Variants in SCARA5 observed in about 807,000 individuals in gnomAD.
SCARA5 encodes the protein scavenger receptor class A, member 5 (putative).
A neutral mutation model predicts 46.3 loss-of-function variants in SCARA5; 45 were observed. The observed-to-expected ratio is 0.97, with a 90% CI of 0.76 to 1.24. The LOEUF (loss-of-function observed/expected upper bound fraction) is 1.24, where lower values mean the gene tolerates loss of function less well. Among genes scored for constraint, SCARA5 ranks in the 50% most tolerant of loss-of-function variants. The pLI, the probability that SCARA5 is intolerant of heterozygous loss-of-function variation, is 0.00. For missense variants in SCARA5, 680 were observed against 689.0 expected (o/e 0.99, Z 0.15); for synonymous variants, 333 against 306.5 (o/e 1.09, Z -0.90).
chr8:27,883,929 C>T (rs1340795115), intron 7 of SCARA5, among the ~76,000 whole-genome samples: 2 of 151,458 alleles, frequency 1.3e-5, no homozygotes, highest in African/African-American at 4.9e-5. Flanking sequence ...GAAGGAGCCT[C>T]CTTTTAATGA....
At chr8:27,895,311 G>A (rs1195363273) in intron 7 of SCARA5, among the ~76,000 whole-genome samples, 1 of 152,160 alleles carries the variant, frequency 6.6e-6, no homozygotes, top group African/African-American at 2.4e-5. Flanking sequence ...TGAGGCACAG[G>A]GGCTCTGCTG....
At chr8:27,907,955 C>T (rs1485831874) in intron 5 of SCARA5, among the ~76,000 whole-genome samples, 1 of 152,166 alleles carries the variant, frequency 6.6e-6, no homozygotes, top group Non-Finnish European at 1.5e-5. Context: ...ATTTAATCAT[C>T]ACAAGACATT....
intron 3 of SCARA5, among the ~76,000 whole-genome samples, chr8:27,939,072 A>G (rs1038037954): frequency 2.6e-5 from 4 of 152,194 alleles, no homozygotes; most frequent in African/African-American, 9.7e-5. Context: ...TATACCATAC[A>G]CAGAATATCT....
intron 7 of SCARA5, among the ~76,000 whole-genome samples, chr8:27,897,297 C>T (rs917272186): frequency 6.6e-6 from 1 of 152,158 alleles, no homozygotes; most frequent in Non-Finnish European, 1.5e-5. Flanking sequence ...ATCCGCAGAG[C>T]CCACAGCTGC....
chr8:27,943,991 C>T (rs890710964), intron 3 of SCARA5, among the ~76,000 whole-genome samples: 1 of 152,204 alleles, frequency 6.6e-6, no homozygotes, highest in African/African-American at 2.4e-5. Flanking sequence ...ACACAATCCA[C>T]CTCCTCAAAT....
intron 2 of SCARA5, among the ~76,000 whole-genome samples, chr8:27,974,549 T>C (rs1177159056): frequency 6.6e-6 from 1 of 152,048 alleles, no homozygotes; most frequent in African/African-American, 2.4e-5. Flanking sequence ...GTCCCACAGC[T>C]CATAAACAGC....
At chr8:27,952,185 G>A (rs372859225) in intron 3 of SCARA5, among the ~76,000 whole-genome samples, 2 of 152,144 alleles carry the variant, frequency 1.3e-5, no homozygotes, top group South Asian at 4.1e-4. Context: ...AAACAAAGGG[G>A]TGGCTGGCAC....
rs143912757 is a variant in SCARA5, at chr8:27,982,995, G to A, written c.112+4509C>T. On this transcript the variant is annotated intron_variant, in intron 2 of 8. Coordinates refer to ENST00000354914, the MANE Select transcript of SCARA5 (RefSeq NM_173833.6). The stretch of plus-strand genomic sequence containing the variant: ...GCTAGAGGAGGGTCCCTTCCTCTGC[G>A]CTGAGGAAGCTCCCTGGGCATCGAG... Among the ~76,000 whole-genome samples the A allele has an allele frequency of 4.3e-3, 660 of 152,240 alleles. 4 individuals are homozygous for A. Among genetic ancestry groups the A allele is most frequent in the African/African-American group, 8.8e-3 (364 of 41,550 alleles).
chr8:27,932,697 C>T (rs1040978736), intron 3 of SCARA5, among the ~76,000 whole-genome samples: 4 of 152,330 alleles, frequency 2.6e-5, no homozygotes, highest in East Asian at 1.9e-4. Context: ...GGCGCAATCT[C>T]GGCTCACTGC....
chr8:27,946,960 C>T, intron 3 of SCARA5, among the ~76,000 whole-genome samples: 1 of 150,532 alleles, frequency 6.6e-6, no homozygotes, highest in South Asian at 2.1e-4. Flanking sequence ...CCTTCAGTTT[C>T]TTCTGTCTCT....
intron 7 of SCARA5, among the ~76,000 whole-genome samples, chr8:27,881,859 C>A (rs920964809): frequency 6.6e-6 from 1 of 152,184 alleles, no homozygotes; most frequent in Non-Finnish European, 1.5e-5. Flanking sequence ...AATGAACCTA[C>A]ACTGATGCCT....
At chr8:27,972,717 TA>T (rs1407786606) in intron 2 of SCARA5, among the ~76,000 whole-genome samples, 1 of 152,008 alleles carries the variant, frequency 6.6e-6, no homozygotes, top group Non-Finnish European at 1.5e-5. Context: ...TTTTTTTAAT[TA>T]GCCTAGGATG....
intron 5 of SCARA5, 61 bp downstream of exon 5, chr8:27,909,602 G>A: frequency 1.7e-6 from 2 of 1,196,662 alleles, no homozygotes; most frequent in Non-Finnish European, 2.4e-6. Context: ...CATCAAGAAA[G>A]TAGCGGGTAG....
chr8:27,977,622 C>T (rs1011834985), intron 2 of SCARA5, among the ~76,000 whole-genome samples: 2 of 152,226 alleles, frequency 1.3e-5, no homozygotes, highest in East Asian at 3.8e-4. Context: ...CTAGAACTTT[C>T]CCTCTCCTTC....
intron 1 of SCARA5, 24 bp downstream of exon 1, chr8:27,992,233 G>A (rs1808800000): frequency 2.0e-5 from 3 of 152,318 alleles, no homozygotes; most frequent in Non-Finnish European, 2.9e-5. Context: ...CAGGAGATAG[G>A]ACAAAATTAG....
intron 2 of SCARA5, among the ~76,000 whole-genome samples, chr8:27,978,049 C>T (rs1585524734): frequency 3.4e-5 from 4 of 116,134 alleles, no homozygotes; most frequent in Non-Finnish European, 5.0e-5. Context: ...TTTTTTGAGA[C>T]GGAGTCTTGC....
At chr8:27,948,752 C>A (rs568593333) in intron 3 of SCARA5, among the ~76,000 whole-genome samples, 14 of 152,322 alleles carry the variant, frequency 9.2e-5, no homozygotes, top group Non-Finnish European at 1.6e-4. Context: ...GATTCCAGCC[C>A]CAAACGCCTA....
chr8:27,989,425 G>A (rs1355861085), intron 1 of SCARA5, among the ~76,000 whole-genome samples: 8 of 152,262 alleles, frequency 5.3e-5, no homozygotes, highest in Admixed American at 5.2e-4. Context: ...ACTGCACCCA[G>A]CTGAAGCCCC....
chr8:27,911,130 C>T (rs1471980986), intron 4 of SCARA5, among the ~76,000 whole-genome samples: 1 of 152,210 alleles, frequency 6.6e-6, no homozygotes, highest in Non-Finnish European at 1.5e-5. Context: ...TCGTCACTAC[C>T]AGCTCTAAGG....
Sources: gnomAD v4.1 joint callset for allele counts (sites outside exome capture counted in the v4.1 genomes callset) on GRCh38, gnomAD v4.1.1 for gene constraint, MANE v1.5 for transcripts, NCBI Gene and HGNC (gene_info 2026-07-23, HGNC 2026-07-21) for gene names.